Variants in SYT14 observed in about 807,000 individuals in gnomAD.
SYT14 encodes synaptotagmin 14, also known as synaptotagmin-14.
A neutral mutation model predicts 74.2 loss-of-function variants in SYT14; 32 were observed. The ratio of observed to expected loss-of-function variants is 0.43; its 90% CI spans 0.33 to 0.58. The LOEUF is 0.58. Among genes scored for constraint, SYT14 ranks in the 20% least tolerant of loss-of-function variants. The pLI is 0.05. For missense variants in SYT14, 791 were observed against 981.8 expected (o/e 0.81, Z 2.60); for synonymous variants, 298 against 337.7 (o/e 0.88, Z 1.29).
chr1:209,970,941 A>G (rs1481590813), intron 2 of SYT14, among the ~76,000 whole-genome samples: 1 of 151,754 alleles, frequency 6.6e-6, no homozygotes, highest in East Asian at 1.9e-4. Context: ...TGGCCTCCCA[A>G]AGTGCTGGGA....
chr1:210,100,451 A>G, exon 7 of SYT14: 1 of 1,612,936 alleles, frequency 6.2e-7, no homozygotes, highest in South Asian at 1.1e-5. Flanking sequence ...GAACCTTCTT[A>G]CAATCATTCT....
chr1:209,955,609 A>G (rs947862306), intron 2 of SYT14, among the ~76,000 whole-genome samples: 1 of 152,150 alleles, frequency 6.6e-6, no homozygotes, highest in Non-Finnish European at 1.5e-5. Flanking sequence ...TTCACTAAGT[A>G]TTAGTGATTT....
chr1:210,113,535 T>C (rs2082303626), intron 7 of SYT14, among the ~76,000 whole-genome samples: 1 of 151,256 alleles, frequency 6.6e-6, no homozygotes, highest in South Asian at 2.1e-4. Flanking sequence ...TTAATCCTTT[T>C]AAAGCATACT....
At chr1:210,048,816 G>A (rs1332945137) in intron 5 of SYT14, among the ~76,000 whole-genome samples, 3 of 152,286 alleles carry the variant, frequency 2.0e-5, no homozygotes, top group South Asian at 2.1e-4. Flanking sequence ...TGCCTATGAC[G>A]CAGTAAAATC....
At chr1:210,150,866 G>T (rs1316811906) in intron 7 of SYT14, among the ~76,000 whole-genome samples, 4 of 152,054 alleles carry the variant, frequency 2.6e-5, no homozygotes, top group African/African-American at 9.7e-5. Flanking sequence ...TATGTTAATA[G>T]GAATTATATT....
chr1:210,115,377 G>C (rs989108969), intron 7 of SYT14, among the ~76,000 whole-genome samples: 1 of 148,778 alleles, frequency 6.7e-6, no homozygotes, highest in African/African-American at 2.6e-5. Context: ...TGCCCCCCAG[G>C]AAAGTGGTGC....
chr1:209,940,351 TATTA>T (rs1259276153), intron 1 of SYT14, among the ~76,000 whole-genome samples: 1 of 151,256 alleles, frequency 6.6e-6, no homozygotes, highest in Admixed American at 6.6e-5. Flanking sequence ...TTCATTCACC[TATTA>T]ATTCAGTAGA....
At chr1:209,976,913 G>A (rs1214732418) in intron 2 of SYT14, among the ~76,000 whole-genome samples, 1 of 152,064 alleles carries the variant, frequency 6.6e-6, no homozygotes, top group Non-Finnish European at 1.5e-5. Context: ...TATATATTTA[G>A]GATAGTTAGC....
exon 4 of SYT14, chr1:210,016,952 T>C: frequency 8.1e-7 from 1 of 1,231,776 alleles, no homozygotes; most frequent in Non-Finnish European, 1.0e-6. Flanking sequence ...AGATAAGTTA[T>C]CTGGGAAAAT....
chr1:210,087,961 G>T (rs2081772559), intron 5 of SYT14, among the ~76,000 whole-genome samples: 1 of 152,032 alleles, frequency 6.6e-6, no homozygotes, highest in Non-Finnish European at 1.5e-5. Context: ...AATGTCTGTG[G>T]GATTTGAAAT....
chr1:210,034,725 G>C (rs563013625), intron 5 of SYT14, among the ~76,000 whole-genome samples: 2 of 151,880 alleles, frequency 1.3e-5, no homozygotes, highest in East Asian at 3.9e-4. Flanking sequence ...GGATCATGCA[G>C]TATATGACTT....
intron 7 of SYT14, among the ~76,000 whole-genome samples, chr1:210,144,313 A>C (rs1291353813): frequency 3.3e-5 from 5 of 152,182 alleles, no homozygotes. Context: ...AATACATTAA[A>C]TTTATTTGCA....
chr1:210,119,411 A>C (rs993829095), intron 7 of SYT14, among the ~76,000 whole-genome samples: 2 of 152,234 alleles, frequency 1.3e-5, no homozygotes, highest in Non-Finnish European at 2.9e-5. Context: ...AGTAGAACTT[A>C]AGAAATACTG....
chr1:210,004,687 G>A (rs1316246606), intron 2 of SYT14, among the ~76,000 whole-genome samples: 1 of 151,834 alleles, frequency 6.6e-6, no homozygotes, highest in East Asian at 1.9e-4. Flanking sequence ...CTAAGGACAG[G>A]ACTCAAACTG....
At chr1:210,141,091 T>C (rs2082906028) in intron 7 of SYT14, among the ~76,000 whole-genome samples, 1 of 151,500 alleles carries the variant, frequency 6.6e-6, no homozygotes. Flanking sequence ...TTGATAGGGA[T>C]CGCATCAAAT....
Position 210,021,270 on chromosome 1 carries a change from T to G in SYT14, c.1312+16T>G. 1 of 1,605,348 alleles carries G rather than the reference T, an allele frequency of 6.2e-7. No individual in the cohort carries two copies. Among genetic ancestry groups the G allele is most frequent in the Non-Finnish European group, 8.5e-7 (1 of 1,172,250 alleles). Reference sequence around the variant, plus strand: ...ATAGATGAAGGTAAGATGGGCTGTTTTATTTTTTTTACATGACACACTATA... The same window carrying G: ...ATAGATGAAGGTAAGATGGGCTGTTGTATTTTTTTTACATGACACACTATA... On this transcript the variant is annotated intron_variant, in intron 5 of 9. Coordinates refer to ENST00000637265, the Ensembl canonical transcript of SYT14.
rs148627886 is a variant in SYT14, at chr1:210,112,149, C to G, written c.2034+11688C>G. On this transcript the variant is annotated intron_variant, in intron 7 of 9. Coordinates refer to ENST00000637265, the Ensembl canonical transcript of SYT14. ...TTCTCAGACCCTGTGGGAAAGGCCT[C>G]TACCCATCCAGTGGAAGTGTCTACC... is the stretch of plus-strand genomic sequence containing the variant. Among the ~76,000 whole-genome samples the G allele has an allele frequency of 2.6e-3, 388 of 151,398 alleles. 24 individuals carry two copies. Among genetic ancestry groups the G allele is most frequent in the African/African-American group, 9.0e-3 (365 of 40,718 alleles).
rs564160094 is a variant in SYT14 at position 209,997,122 on chromosome 1, G to C, written c.-485-16511G>C. Among the ~76,000 whole-genome samples the C allele has an allele frequency of 1.5e-3, 224 of 150,894 alleles. 1 individual carries two copies. The highest frequency in any genetic ancestry group is 5.2e-3 in the African/African-American group (213 of 40,870). ...CTGAAAGTCCTAGCCAGAGCAATCA[G>C]GCAAGGGAAAAATAAAAGGCATCCA... On this transcript the variant is annotated intron_variant, in intron 2 of 9. Coordinates refer to ENST00000637265, the Ensembl canonical transcript of SYT14.
chr1:210,158,752 A>C (rs529951283), intron 8 of SYT14, among the ~76,000 whole-genome samples: 7 of 152,162 alleles, frequency 4.6e-5, no homozygotes, highest in Non-Finnish European at 8.8e-5. Flanking sequence ...GGTAACTAGA[A>C]AGTAAGTATA....
Sources: gnomAD v4.1 joint callset for allele counts (sites outside exome capture counted in the v4.1 genomes callset) on GRCh38, gnomAD v4.1.1 for gene constraint, MANE v1.5 for transcripts, NCBI Gene and HGNC (gene_info 2026-07-23, HGNC 2026-07-21) for gene names.